PDE1C: variants seen among roughly 807,000 people sequenced by gnomAD.
PDE1C encodes phosphodiesterase 1C.
Under a neutral mutation model 93.1 loss-of-function variants are expected in PDE1C, and 62 were observed. That is an observed-to-expected ratio of 0.67 (90% CI 0.54 to 0.82). The LOEUF (loss-of-function observed/expected upper bound fraction) is 0.82, where lower values mean the gene tolerates loss of function less well. Ranked by LOEUF, PDE1C falls within the 40% of genes least tolerant of loss-of-function variation. PDE1C has a pLI of 0.00. For missense variants in PDE1C, 742 were observed against 884.6 expected (o/e 0.84, Z 2.04); for synonymous variants, 325 against 310.1 (o/e 1.05, Z -0.50).
At chr7:31,630,255 A>AAAC in the PDE1C span, among the ~76,000 whole-genome samples, 1 of 151,634 alleles carries the variant, frequency 6.6e-6, no homozygotes, top group Non-Finnish European at 1.5e-5. Context: ...AAAAAAAAAA[A>AAAC]AAAAAAACAT....
At chr7:31,924,273 ACAAT>A (rs1803049210) in intron 2 of PDE1C, among the ~76,000 whole-genome samples, 1 of 152,226 alleles carries the variant, frequency 6.6e-6, no homozygotes, top group Non-Finnish European at 1.5e-5. Context: ...CACAGGACAG[ACAAT>A]CAATATTTGT....
the PDE1C span, among the ~76,000 whole-genome samples, chr7:31,647,673 CAAAAAAAA>C: frequency 2.6e-4 from 18 of 69,358 alleles, no homozygotes; most frequent in Admixed American, 9.7e-4. Context: ...GTCTCCGTCT[CAAAAAAAA>C]AAAAAAAAAA....
chr7:31,617,266 A>AAAATGATAAT, the PDE1C span, among the ~76,000 whole-genome samples: 1 of 152,078 alleles, frequency 6.6e-6, no homozygotes, highest in African/African-American at 2.4e-5. Context: ...CAACAATTTA[A>AAAATGATAAT]CTTTGCAAAG....
intron 2 of PDE1C, among the ~76,000 whole-genome samples, chr7:32,202,766 AAGCTAGT>A (rs1805107269): frequency 6.6e-6 from 1 of 151,974 alleles, no homozygotes; most frequent in Non-Finnish European, 1.5e-5. Context: ...TGTAGATAAG[AAGCTAGT>A]AGCCAGCTGT....
chr7:32,124,688 C>A (rs1799475154), intron 3 of PDE1C, among the ~76,000 whole-genome samples: 2 of 152,184 alleles, frequency 1.3e-5, no homozygotes, highest in South Asian at 4.1e-4. Context: ...GAAACTGAAA[C>A]TGGACCCCTT....
chr7:31,644,244 G>A, the PDE1C span, among the ~76,000 whole-genome samples: 1 of 152,164 alleles, frequency 6.6e-6, no homozygotes, highest in Admixed American at 6.5e-5. Context: ...TATGTCTAAG[G>A]TTATAAGCAT....
intron 1 of PDE1C, among the ~76,000 whole-genome samples, chr7:32,213,995 G>GA (rs1285325709): frequency 6.6e-6 from 1 of 151,962 alleles, no homozygotes; most frequent in Non-Finnish European, 1.5e-5. Context: ...TGATAATCAG[G>GA]AAAAAATGTT....
intron 1 of PDE1C, among the ~76,000 whole-genome samples, chr7:32,246,832 T>A (rs1808996107): frequency 6.6e-6 from 1 of 152,260 alleles, no homozygotes. Flanking sequence ...AATAACATCC[T>A]ATCACAATAC....
chr7:31,875,793 CTATATATATA>C lies in PDE1C; in HGVS notation c.492+2167_492+2176del, dbSNP rs71559206. On this transcript the variant is annotated intron_variant, in intron 5 of 17. Coordinates refer to ENST00000396191, the MANE Select transcript of PDE1C (RefSeq NM_001191057.4). ...AACACCTCAAGTTAGAAGCTTACAT[CTATATATATA>C]TATATATATATATATATATATATAT... Among the ~76,000 whole-genome samples, 85 of 43,110 alleles carry C rather than the reference CTATATATATA, an allele frequency of 2.0e-3. 4 individuals are homozygous for C. Among genetic ancestry groups the C allele is most frequent in the African/African-American group, 2.6e-3 (37 of 13,976 alleles). 28.3% of individuals were successfully genotyped at this position (43,110 alleles called of 152,430 possible).
intron 1 of PDE1C, among the ~76,000 whole-genome samples, chr7:32,374,745 T>C (rs972544405): frequency 1.3e-5 from 2 of 152,266 alleles, no homozygotes; most frequent in Admixed American, 6.5e-5. Flanking sequence ...TGCTTTGCTA[T>C]GCAGCAATAG....
chr7:31,644,086 T>A, the PDE1C span: 1 of 753,684 alleles, frequency 1.3e-6, no homozygotes. Context: ...TGAATAACAT[T>A]TGTAGAGTGC....
intron 1 of PDE1C, among the ~76,000 whole-genome samples, chr7:32,209,847 A>G (rs1453707917): frequency 3.3e-5 from 5 of 152,210 alleles, no homozygotes; most frequent in Non-Finnish European, 7.3e-5. Flanking sequence ...TAAGAGGCAC[A>G]CACACCAGCT....
chr7:31,648,493 C>T, the PDE1C span, among the ~76,000 whole-genome samples: 2 of 152,162 alleles, frequency 1.3e-5, no homozygotes, highest in Non-Finnish European at 2.9e-5. Flanking sequence ...CAGAAGATGG[C>T]AGCATTTCAG....
At position 32,390,541 on chromosome 7, in the gene PDE1C, GA is replaced by G. The variant is rs753651084; in HGVS notation, c.310+37280del. On this transcript the variant is annotated intron_variant, in intron 1 of 1. Transcript: ENST00000672256. ...AGAATCCTGCTCTAGAGTGATCATT[GA>G]AAAAAAAAAAAAAAAAAAACTTGGC... is the stretch of plus-strand genomic sequence containing the variant. Among the ~76,000 whole-genome samples, 215 of 93,062 alleles carry G rather than the reference GA, an allele frequency of 2.3e-3. 1 individual carries two copies. In the East Asian group the frequency reaches 0.027, roughly 12 times the overall value. The allele number at this position is 93,062 out of a possible 152,430, so 61.1% of individuals were successfully genotyped here.
intron 2 of PDE1C, among the ~76,000 whole-genome samples, chr7:32,176,278 A>C (rs1297081327): frequency 6.6e-6 from 1 of 152,058 alleles, no homozygotes; most frequent in African/African-American, 2.4e-5. Flanking sequence ...GATTTCCAAG[A>C]TCCATTATAA....
the PDE1C span, among the ~76,000 whole-genome samples, chr7:31,723,284 C>G: frequency 3.9e-4 from 59 of 152,270 alleles, 1 homozygote; most frequent in African/African-American, 1.3e-3. Context: ...TTGGTTTGTC[C>G]TCCTCAGGTA....
At chr7:31,642,921 G>A in the PDE1C span, 1 of 1,614,032 alleles carries the variant, frequency 6.2e-7, no homozygotes. Flanking sequence ...CACCAGAGCT[G>A]TATATCCCAG....
the PDE1C span, among the ~76,000 whole-genome samples, chr7:31,660,954 A>C: frequency 2.0e-5 from 3 of 151,992 alleles, no homozygotes; most frequent in Non-Finnish European, 2.9e-5. Context: ...TAGTGTTCCA[A>C]TTACAAATAA....
intron 12 of PDE1C, among the ~76,000 whole-genome samples, chr7:31,827,320 T>C (rs531247227): frequency 6.6e-6 from 1 of 152,190 alleles, no homozygotes; most frequent in South Asian, 2.1e-4. Context: ...GCCCAGACAA[T>C]GCCTACTCAC....
Sources: allele counts gnomAD v4.1 joint callset (sites outside exome capture counted in the v4.1 genomes callset), GRCh38; gene constraint gnomAD v4.1.1; transcripts MANE v1.5; gene names NCBI Gene and HGNC (gene_info 2026-07-23, HGNC 2026-07-21).